CCDC9B: variants seen among roughly 807,000 people sequenced by gnomAD.
CCDC9B encodes the protein coiled-coil domain containing 9B, also known as coiled-coil domain-containing protein 9B.
A neutral mutation model predicts 47.2 loss-of-function variants in CCDC9B; 40 were observed. That is an observed-to-expected ratio of 0.85 (90% CI 0.66 to 1.10). CCDC9B has a LOEUF of 1.10. Among genes scored for constraint, CCDC9B ranks in the 50% least tolerant of loss-of-function variants. The pLI is 0.00. For missense variants in CCDC9B, 662 were observed against 651.0 expected (o/e 1.02, Z -0.18); for synonymous variants, 238 against 250.7 (o/e 0.95, Z 0.48).
chr15:40,339,970 C>T lies in CCDC9B; in HGVS notation c.58G>A (p.Ala20Thr), dbSNP rs756350418. ...ESPMSRQEKD[A>T]ELDRRIVALR... ...GCAACTATCCTCCGATCCAGCTCTG[C>T]GTCCTTCTCCTGCCTGCTCATGGGG... Residue 20 changes from alanine (A) to threonine (T), a missense_variant, in exon 2 of 11, where the codon GCA becomes ACA. By Grantham distance (58) the Ala-to-Thr change is moderately conservative (BLOSUM62 0). Coordinates refer to ENST00000397536, the MANE Select transcript of CCDC9B (RefSeq NM_207380.3). The T allele has an allele frequency of 3.1e-6, 5 of 1,613,712 alleles. No homozygotes were observed. Among genetic ancestry groups the T allele is most frequent in the Middle Eastern group, 1.6e-4 (1 of 6,082 alleles).
At chr15:40,339,254 G>A in intron 3 of CCDC9B, 1 of 582,782 alleles carries the variant, frequency 1.7e-6, no homozygotes, top group Non-Finnish European at 3.1e-6. Context: ...AGGTTTAGGA[G>A]TGGCCTGTGC....
Position 40,340,829 on chromosome 15 carries a change from G to A in CCDC9B, c.-10C>T, listed in dbSNP as rs71472430. The A allele has an allele frequency of 0.012, 18,666 of 1,609,568 alleles. 191 individuals are homozygous for A. The highest frequency in any genetic ancestry group is 0.04 in the Middle Eastern group (241 of 6,010). On this transcript the variant is annotated 5_prime_UTR_variant, in exon 1 of 11. Coordinates refer to ENST00000397536, the MANE Select transcript of CCDC9B (RefSeq NM_207380.3). ...TCACAGCCGAGTGCATGGCAACGGC[G>A]GGCACCGAGAGAATTCCAGAGCAGC...
rs926973044 is a variant in CCDC9B at position 40,337,965 on chromosome 15, G to A, written c.514-72C>T. Reference sequence around the variant, plus strand: ...CTTGGGGTGGGGTTTGGAGACTCCAGGCGCTTCCTCTCTCAAGGTTTCCAC... The same window carrying A: ...CTTGGGGTGGGGTTTGGAGACTCCAAGCGCTTCCTCTCTCAAGGTTTCCAC... On this transcript the variant is annotated intron_variant, in intron 5 of 10. Coordinates refer to ENST00000397536, the MANE Select transcript of CCDC9B (RefSeq NM_207380.3). 98 of 1,441,828 alleles carry A rather than the reference G, an allele frequency of 6.8e-5. No individual in the cohort carries two copies. In the Admixed American group the frequency reaches 1.9e-3, roughly 28 times the overall value. The allele number at this position is 1,441,828 out of a possible 1,614,324, so 89.3% of individuals were successfully genotyped here.
chr15:40,337,163 T>C (rs1888980197), intron 7 of CCDC9B: 1 of 669,690 alleles, frequency 1.5e-6, no homozygotes, highest in Non-Finnish European at 2.7e-6. Flanking sequence ...TGAGCCTCCT[T>C]CTGGGGCCTT....
chr15:40,336,324 A>G, intron 9 of CCDC9B: 1 of 985,430 alleles, frequency 1.0e-6, no homozygotes, highest in Non-Finnish European at 1.2e-6. Flanking sequence ...CCCGCCTGCA[A>G]TGCCTGGGAA....
chr15:40,333,364 T>C lies in CCDC9B; in HGVS notation c.*1794A>G, dbSNP rs566320895. On this transcript the variant is annotated 3_prime_UTR_variant, in exon 11 of 11. Coordinates refer to ENST00000397536, the MANE Select transcript of CCDC9B (RefSeq NM_207380.3). ...GAGCAGATTGCTTGAGCCCAGGAGTTGGAGACCAGCCTGGGCAACATGGTG... is the reference window on the plus strand; with the variant it reads ...GAGCAGATTGCTTGAGCCCAGGAGTCGGAGACCAGCCTGGGCAACATGGTG... The C allele has an allele frequency of 6.6e-6, 1 of 151,880 alleles. No individual in the cohort carries two copies. Among genetic ancestry groups the C allele is most frequent in the African/African-American group, 2.4e-5 (1 of 41,258 alleles). 9.4% of individuals were successfully genotyped at this position (151,880 alleles called of 1,614,324 possible). A position where few individuals can be genotyped will look rare whatever the true frequency, so the allele number is the denominator to read the frequency against.
Position 40,339,514 on chromosome 15 carries a change from C to G in CCDC9B, c.229G>C (p.Gly77Arg). ...GLTVTISQVP[G>R]EKRVVSRNWA... ...CTGTCTCCCAGGGTGAGGCTTACACCGGGAACCTGGCTGATGGTAACGGTG... is the reference window on the plus strand; with the variant it reads ...CTGTCTCCCAGGGTGAGGCTTACACGGGGAACCTGGCTGATGGTAACGGTG... The change falls in exon 3 of 11, where the codon GGT becomes CGT. Residue 77 changes from glycine (G) to arginine (R), a missense_variant and splice_region_variant. Physicochemically the swap from Gly to Arg is moderately radical, Grantham distance 125. Coordinates refer to ENST00000397536, the MANE Select transcript of CCDC9B (RefSeq NM_207380.3). 1 of 1,613,612 alleles carries G rather than the reference C, an allele frequency of 6.2e-7. No homozygotes were observed. The highest frequency in any genetic ancestry group is 8.5e-7 in the Non-Finnish European group (1 of 1,179,796).
intron 2 of CCDC9B, 56 bp downstream of exon 2, chr15:40,339,849 G>T: frequency 6.8e-7 from 1 of 1,463,956 alleles, no homozygotes; most frequent in Non-Finnish European, 9.5e-7. Context: ...ACCACGTGTG[G>T]GGCACAGGGA....
At chr15:40,336,218 T>G (rs1412827267) in intron 9 of CCDC9B, 2 of 985,312 alleles carry the variant, frequency 2.0e-6, no homozygotes, top group African/African-American at 3.5e-5. Flanking sequence ...CTATTTCCTC[T>G]GAATACCACG....
rs1363030560 is a variant in CCDC9B at position 40,335,779 on chromosome 15, CCT to C, written c.930+3_930+4del. 6.2e-7 allele frequency: 1 copy of C among 1,610,834 alleles called. No individual in the cohort carries two copies. The highest frequency in any genetic ancestry group is 1.7e-5 in the Admixed American group (1 of 59,552). ...GCCTGCCCCATCCTATACCCAAGTA[CCT>C]ACCTCCTGACCTTCCAGCTCCTCCT... On this transcript the variant is annotated splice_donor_region_variant and intron_variant, in intron 10 of 10. Coordinates refer to ENST00000397536, the MANE Select transcript of CCDC9B (RefSeq NM_207380.3).
At chr15:40,336,406 G>A (rs948760994) in intron 9 of CCDC9B, 168 bp downstream of exon 9, 8 of 985,280 alleles carry the variant, frequency 8.1e-6, no homozygotes, top group South Asian at 4.7e-5. Context: ...CCAGGCTCTC[G>A]CTGCAGCCTC....
At chr15:40,340,284 C>T in intron 1 of CCDC9B, 1 of 491,196 alleles carries the variant, frequency 2.0e-6, no homozygotes, top group Non-Finnish European at 3.6e-6. Context: ...TGCCCCTCCC[C>T]CAGCTCTCCA....
chr15:40,332,917 G>A lies in CCDC9B; in HGVS notation c.*2241C>T, dbSNP rs1349489358. The A allele has an allele frequency of 6.6e-6, 1 of 152,138 alleles. No individual in the cohort carries two copies. The highest frequency in any genetic ancestry group is 1.5e-5 in the Non-Finnish European group (1 of 68,038). The allele number at this position is 152,138 out of a possible 1,614,324, so 9.4% of individuals were successfully genotyped here. A position where few individuals can be genotyped will look rare whatever the true frequency, so the allele number is the denominator to read the frequency against. ...GGCATAGGTGTGTCTCACATACATA[G>A]GAATGTTTCCAAGCCTTTCCAAAAT... On this transcript the variant is annotated 3_prime_UTR_variant, in exon 11 of 11. Coordinates refer to ENST00000397536, the MANE Select transcript of CCDC9B (RefSeq NM_207380.3).
Position 40,337,802 on chromosome 15 carries a change from T to A in CCDC9B, c.605A>T (p.Asp202Val), listed in dbSNP as rs1019233835. The A allele has an allele frequency of 3.1e-6, 5 of 1,609,658 alleles. No homozygotes were observed. In the East Asian group the frequency reaches 1.1e-4, roughly 36 times the overall value. The change falls in exon 6 of 11, where the codon GAC (aspartate) becomes GTC (valine). Residue 202 changes from aspartate to valine, a missense_variant. Asp to Val is a radical substitution (Grantham distance 152). Coordinates refer to ENST00000397536, the MANE Select transcript of CCDC9B (RefSeq NM_207380.3). ...TCTGTGCCGGGCGAGGCGGGCTAGG[T>A]CGATCTGCTCCCGCTCCTGCTTCCA... Reference protein sequence around the residue: ...AQWKQEREQIDLARLARHRDA... With the variant: ...AQWKQEREQIVLARLARHRDA...
At position 40,339,592 on chromosome 15, in the gene CCDC9B, C is replaced by G. The variant is rs1452104136; in HGVS notation, c.151G>C (p.Glu51Gln). The change falls in exon 3 of 11, where the codon GAG (glutamate) becomes CAG (glutamine). Residue 51 changes from glutamate to glutamine, a missense_variant. Glu to Gln is a conservative substitution (Grantham distance 29). Coordinates refer to ENST00000397536, the MANE Select transcript of CCDC9B (RefSeq NM_207380.3). ...GTGGTCACAGCCATCCCCCCCTGCT[C>G]TGCCTGCCGACGGTCCTCCTGGATC... ...QEIQEDRRQA[E>Q]QGGMAVTTPA... The G allele has an allele frequency of 6.2e-7, 1 of 1,613,704 alleles. No individual in the cohort carries two copies. Among genetic ancestry groups the G allele is most frequent in the Non-Finnish European group, 8.5e-7 (1 of 1,179,928 alleles).
In CCDC9B at chr15:40,339,947, A is replaced by G; in HGVS notation, c.81T>C (p.Val27=). 2 of 1,613,940 alleles carry G rather than the reference A, an allele frequency of 1.2e-6. No homozygotes were observed. ...AGGCCTGGTTCTTCTTGCGCAGGGCAACTATCCTCCGATCCAGCTCTGCGT... is the reference window on the plus strand; with the variant it reads ...AGGCCTGGTTCTTCTTGCGCAGGGCGACTATCCTCCGATCCAGCTCTGCGT... The part of the protein sequence containing the change: ...EKDAELDRRI[V]ALRKKNQALL... Residue 27 remains valine, a synonymous_variant, in exon 2 of 11, where the codon GTT becomes GTC. Coordinates refer to ENST00000397536, the MANE Select transcript of CCDC9B (RefSeq NM_207380.3).
chr15:40,335,328 G>C lies in CCDC9B; in HGVS notation c.1303C>G (p.Gln435Glu). Residue 435 changes from glutamine to glutamate, a missense_variant, in exon 11 of 11, where the codon CAG becomes GAG. Physicochemically the swap from Gln to Glu is conservative, Grantham distance 29. Transcript: ENST00000397536. ...ELEVQTCPEP[Q>E]RGAGLPEPGE... is the part of the protein sequence containing the mutation. ...GGCTCTGGGAGCCCTGCTCCTCTCT[G>C]TGGCTCAGGGCAAGTCTGTACTTCC... 1.2e-6 allele frequency: 2 copies of C among 1,613,650 alleles called. No homozygotes were observed. The highest frequency in any genetic ancestry group is 1.7e-6 in the Non-Finnish European group (2 of 1,179,894).
chr15:40,336,042 G>T, intron 9 of CCDC9B: 1 of 985,366 alleles, frequency 1.0e-6, no homozygotes, highest in Non-Finnish European at 1.2e-6. Flanking sequence ...GAGCAGCCAT[G>T]GCAGGACCAG....
intron 7 of CCDC9B, 75 bp downstream of exon 7, chr15:40,337,313 A>C: frequency 7.6e-7 from 1 of 1,311,278 alleles, no homozygotes; most frequent in Non-Finnish European, 1.1e-6. Flanking sequence ...ACTAAGAGAC[A>C]GAGAAAAGAG....
Sources: gnomAD v4.1 joint callset for allele counts on GRCh38, gnomAD v4.1.1 for gene constraint, MANE v1.5 for transcripts, NCBI Gene and HGNC (gene_info 2026-07-23, HGNC 2026-07-21) for gene names.